CYP17A1: variants seen among roughly 807,000 people sequenced by gnomAD.
CYP17A1 encodes the protein steroid 17-alpha-hydroxylase/17,20 lyase.
In CYP17A1, 27 loss-of-function variants were observed where a neutral mutation model predicts 38.5. The observed-to-expected ratio is 0.70, with a 90% CI of 0.52 to 0.97. The LOEUF (loss-of-function observed/expected upper bound fraction) is 0.97. CYP17A1 is among the 50% of genes least tolerant of loss of function. CYP17A1 has a pLI of 0.00. For synonymous variants in CYP17A1, 263 were observed against 253.3 expected (o/e 1.04, Z -0.36); for missense variants, 549 against 645.9 (o/e 0.85, Z 1.63).
intron 3 of CYP17A1, chr10:102,834,484 A>G: frequency 1.8e-6 from 1 of 561,702 alleles, no homozygotes; most frequent in East Asian, 3.1e-5. Flanking sequence ...TGGGGATAAT[A>G]AAACCTACTT....
chr10:102,837,230 G>A lies in CYP17A1; in HGVS notation c.132C>T (p.Pro44=), dbSNP rs770121990. The A allele has an allele frequency of 1.9e-6, 3 of 1,607,032 alleles. No individual in the cohort carries two copies. The highest frequency in any genetic ancestry group is 1.7e-4 in the Middle Eastern group (1 of 6,048). The change falls in exon 1 of 8, where the codon CCC becomes CCT. Residue 44 remains proline (P), a synonymous_variant. Coordinates refer to ENST00000369887, the MANE Select transcript of CYP17A1 (RefSeq NM_000102.4). ...LPLVGSLPFL[P]RHGHMHNNFF... ...AGTTGTTATGCATATGGCCGTGTCT[G>A]GGGAGGAATGGCAGGCTGCCCACCA...
chr10:102,831,716 C>T (rs1844092413), intron 6 of CYP17A1, 105 bp from the exon 7 acceptor site: 1 of 1,544,314 alleles, frequency 6.5e-7, no homozygotes, highest in African/African-American at 1.4e-5. Context: ...ATGCCCTTTA[C>T]TCCCTCATTC....
chr10:102,835,516 T>C (rs1844152055), intron 1 of CYP17A1, 124 bp from the exon 2 acceptor site: 10 of 842,308 alleles, frequency 1.2e-5, no homozygotes, highest in Middle Eastern at 4.3e-4. Flanking sequence ...GACTCCCATG[T>C]GGGCACAGCC....
intron 4 of CYP17A1, 51 bp downstream of exon 4, chr10:102,833,985 C>G (rs375973218): frequency 7.7e-5 from 66 of 859,148 alleles, no homozygotes; most frequent in Non-Finnish European, 1.2e-4. Context: ...CCACCCTGCT[C>G]TTGTGATTAC....
Position 102,833,191 on chromosome 10 carries a change from G to A in CYP17A1, c.771C>T (p.Asp257=), listed in dbSNP as rs749151850. The A allele has an allele frequency of 6.2e-7, 1 of 1,614,160 alleles. No individual in the cohort carries two copies. Among genetic ancestry groups the A allele is most frequent in the African/African-American group, 1.3e-5 (1 of 75,034 alleles). ...GTGTGTCCAGCATGTTGGTGATAGA[G>A]TCACTCCGGAATTTCTCCTGGGTTG... The part of the protein sequence containing the change: ...LENYKEKFRS[D]SITNMLDTLM... Residue 257 remains aspartate, a synonymous_variant, in exon 5 of 8, where the codon GAC becomes GAT. Coordinates refer to ENST00000369887, the MANE Select transcript of CYP17A1 (RefSeq NM_000102.4).
intron 6 of CYP17A1, 37 bp from the exon 7 acceptor site, chr10:102,831,648 C>A (rs1844091079): frequency 8.1e-6 from 13 of 1,610,052 alleles, no homozygotes; most frequent in Non-Finnish European, 1.1e-5. Flanking sequence ...GGGTCTGGGA[C>A]TTCGTACTCC....
At chr10:102,832,444 C>A (rs1277419029) in intron 6 of CYP17A1, 67 bp downstream of exon 6, 1 of 1,049,848 alleles carries the variant, frequency 9.5e-7, no homozygotes, top group African/African-American at 1.5e-5. Flanking sequence ...GTAGGGGGAG[C>A]CAGGTGGGCT....
At chr10:102,836,690 C>T (rs1320460050) in intron 1 of CYP17A1, 1 of 255,804 alleles carries the variant, frequency 3.9e-6, no homozygotes, top group African/African-American at 2.2e-5. Context: ...TAACATGAAT[C>T]CTGGCTGTAT....
At chr10:102,831,773 C>A in intron 6 of CYP17A1, 162 bp from the exon 7 acceptor site, 2 of 1,325,420 alleles carry the variant, frequency 1.5e-6, no homozygotes, top group Non-Finnish European at 2.1e-6. Context: ...AAACCTAAAT[C>A]CAGCCCTTCT....
intron 1 of CYP17A1, 167 bp downstream of exon 1, chr10:102,836,898 G>C: frequency 1.5e-6 from 1 of 671,032 alleles, no homozygotes. Context: ...TAATTTAGAG[G>C]CTGGGTGGGG....
chr10:102,837,212 A>G lies in CYP17A1; in HGVS notation c.150T>C (p.His50=). The change falls in exon 1 of 8, where the codon CAT becomes CAC. Residue 50 remains histidine (H), a synonymous_variant. Coordinates refer to ENST00000369887, the MANE Select transcript of CYP17A1 (RefSeq NM_000102.4). ...LPFLPRHGHM[H]NNFFKLQKKY... ...TTTTCTGCAGCTTGAAGAAGTTGTTATGCATATGGCCGTGTCTGGGGAGGA... is the reference window on the plus strand; with the variant it reads ...TTTTCTGCAGCTTGAAGAAGTTGTTGTGCATATGGCCGTGTCTGGGGAGGA... 1.2e-6 allele frequency: 2 copies of G among 1,609,064 alleles called. No individual in the cohort carries two copies. Among genetic ancestry groups the G allele is most frequent in the South Asian group, 1.1e-5 (1 of 90,992 alleles).
chr10:102,832,610 C>T lies in CYP17A1; in HGVS notation c.1040G>A (p.Arg347His), dbSNP rs61754278. ...GFSRTPTISD[R>H]NRLLLLEATI... ...GGCCTCCAGCAGGAGGAGACGGTTA[C>T]GGTCACTGATAGTTGGTGTGCGGCT... is the stretch of plus-strand genomic sequence containing the variant. The change falls in exon 6 of 8, where the codon CGT becomes CAT. Residue 347 changes from arginine (R) to histidine (H), a missense_variant. Physicochemically the swap from Arg to His is conservative, Grantham distance 29 (BLOSUM62 0). This residue lies in a region of CYP17A1 where 257 missense variants were observed against 307.9 expected (regional missense o/e 0.83). Transcript: ENST00000369887. 1.2e-5 allele frequency: 20 copies of T among 1,603,438 alleles called. No individual in the cohort carries two copies. The highest frequency in any genetic ancestry group is 4.0e-5 in the African/African-American group (3 of 74,704).
intron 1 of CYP17A1, 122 bp from the exon 2 acceptor site, chr10:102,835,514 T>C (rs1844152024): frequency 4.7e-6 from 4 of 850,166 alleles, no homozygotes; most frequent in Non-Finnish European, 8.1e-6. Context: ...CTGACTCCCA[T>C]GTGGGCACAG....
At position 102,837,136 on chromosome 10, in the gene CYP17A1, C is replaced by G; in HGVS notation, c.226G>C (p.Val76Leu). 1 of 1,600,808 alleles carries G rather than the reference C, an allele frequency of 6.2e-7. No individual in the cohort carries two copies. Among genetic ancestry groups the G allele is most frequent in the Non-Finnish European group, 8.6e-7 (1 of 1,167,834 alleles). Residue 76 changes from valine (V) to leucine (L), a missense_variant, in exon 1 of 8, where the codon GTC becomes CTC. Around this residue, in one of 3 missense-constraint regions of CYP17A1, gnomAD observed 289 missense variants for 320.9 expected, o/e 0.90. Transcript: ENST00000369887. ...TCCTTGGCCAGCTGGTGGTGGCCGA[C>G]AATCACTGTAGTCTTGGTGCCCATA... ...VRMGTKTTVI[V>L]GHHQLAKEVL...
rs1844073286 is a variant in CYP17A1 at position 102,830,600 on chromosome 10, G to C, written c.*102C>G. On this transcript the variant is annotated 3_prime_UTR_variant, in exon 8 of 8. Coordinates refer to ENST00000369887, the MANE Select transcript of CYP17A1 (RefSeq NM_000102.4). This position sits in a 1 kb window ranked among gnomAD's most constrained non-coding sequence, Gnocchi z 4.1. ...ACAAGCTGAAAAAGAAGGCAGAGTG[G>C]GTTGGGAGTAGGGAAGAATGGCGGA... 1.4e-6 allele frequency: 1 copy of C among 723,160 alleles called. No homozygotes were observed. Among genetic ancestry groups the C allele is most frequent in the Non-Finnish European group, 2.5e-6 (1 of 405,498 alleles). The allele number at this position is 723,160 out of a possible 1,614,324, so 44.8% of individuals were successfully genotyped here.
intron 1 of CYP17A1, 148 bp downstream of exon 1, chr10:102,836,917 G>A (rs1462067927): frequency 2.8e-6 from 2 of 724,572 alleles, no homozygotes; most frequent in Non-Finnish European, 5.0e-6. Context: ...GGGTCTGAAG[G>A]TTCACTCCCT....
In CYP17A1 at chr10:102,837,154, T is replaced by G; in HGVS notation, c.208A>C (p.Thr70Pro). 1 of 1,594,442 alleles carries G rather than the reference T, an allele frequency of 6.3e-7. No homozygotes were observed. Among genetic ancestry groups the G allele is most frequent in the Non-Finnish European group, 8.6e-7 (1 of 1,162,134 alleles). Reference protein sequence around the residue: ...YGPIYSVRMGTKTTVIVGHHQ... With the variant: ...YGPIYSVRMGPKTTVIVGHHQ... ...TGGCCGACAATCACTGTAGTCTTGG[T>G]GCCCATACGAACCGAATAGATGGGG... The change falls in exon 1 of 8, where the codon ACC becomes CCC. Residue 70 changes from threonine (T) to proline (P), a missense_variant. This residue lies in a region of CYP17A1 where 289 missense variants were observed against 320.9 expected (regional missense o/e 0.90). Coordinates refer to ENST00000369887, the MANE Select transcript of CYP17A1 (RefSeq NM_000102.4).
Position 102,837,058 on chromosome 10 carries a change from C to A in CYP17A1, c.297+7G>T. 1 of 1,559,464 alleles carries A rather than the reference C, an allele frequency of 6.4e-7. No homozygotes were observed. Among genetic ancestry groups the A allele is most frequent in the Non-Finnish European group, 8.8e-7 (1 of 1,131,142 alleles). ...AAGGGGGCAGGGAGGAGATGGGCAC[C>A]ACTTACCATTTGAGGCCGCCCAGAG... is the stretch of plus-strand genomic sequence containing the variant. On this transcript the variant is annotated splice_region_variant and intron_variant, in intron 1 of 7. Coordinates refer to ENST00000369887, the MANE Select transcript of CYP17A1 (RefSeq NM_000102.4).
At position 102,837,186 on chromosome 10, in the gene CYP17A1, T is replaced by A. The variant is rs1465948613; in HGVS notation, c.176A>T (p.Lys59Ile). The A allele has an allele frequency of 6.2e-7, 1 of 1,604,624 alleles. No individual in the cohort carries two copies. The highest frequency in any genetic ancestry group is 1.3e-5 in the African/African-American group (1 of 74,706). Residue 59 changes from lysine (K) to isoleucine (I), a missense_variant, in exon 1 of 8, where the codon AAA (lysine) becomes ATA (isoleucine). By Grantham distance (102) the Lys-to-Ile change is moderately radical. Transcript: ENST00000369887. ...ACGAACCGAATAGATGGGGCCATAT[T>A]TTTTCTGCAGCTTGAAGAAGTTGTT... Reference protein sequence around the residue: ...MHNNFFKLQKKYGPIYSVRMG... With the variant: ...MHNNFFKLQKIYGPIYSVRMG...
Sources: gnomAD v4.1 joint callset for allele counts on GRCh38, gnomAD v4.1.1 for gene constraint, gnomAD v4.1.1 regional missense constraint, Gnocchi (gnomAD v3.1) non-coding constraint, MANE v1.5 for transcripts, NCBI Gene and HGNC (gene_info 2026-07-23, HGNC 2026-07-21) for gene names.